TMEM139: variants seen among roughly 807,000 people sequenced by gnomAD.
TMEM139 encodes the protein transmembrane protein 139.
Under a neutral mutation model 15.9 loss-of-function variants are expected in TMEM139, and 9 were observed. The observed-to-expected ratio is 0.57, with a 90% CI of 0.34 to 0.99. TMEM139 has a LOEUF of 0.99. TMEM139 is among the 50% of genes least tolerant of loss of function. The pLI is 0.02. For synonymous variants in TMEM139, 95 were observed against 110.5 expected (o/e 0.86, Z 0.88); for missense variants, 270 against 267.7 (o/e 1.01, Z -0.06).
At position 143,285,461 on chromosome 7, in the gene TMEM139, TC is replaced by T; in HGVS notation, c.-18+20del. On this transcript the variant is annotated intron_variant, in intron 1 of 2. Coordinates refer to ENST00000359333, the MANE Select transcript of TMEM139 (RefSeq NM_001282876.2). ...GTCAGACAGGGTAAGTGGGGCTCCC[TC>T]CCCTCTTCTCTCTAACGGGGCTGGA... is the stretch of plus-strand genomic sequence containing the variant. 1 of 176,014 alleles carries T rather than the reference TC, an allele frequency of 5.7e-6. No homozygotes were observed. The highest frequency in any genetic ancestry group is 1.2e-5 in the Non-Finnish European group (1 of 80,484). 10.9% of individuals were successfully genotyped at this position (176,014 alleles called of 1,614,324 possible).
In TMEM139 at chr7:143,286,000, C is replaced by T. The variant is rs1204666543; in HGVS notation, c.43C>T (p.Leu15Phe). The change falls in exon 2 of 3, where the codon CTC (leucine) becomes TTC (phenylalanine). Residue 15 changes from leucine to phenylalanine, a missense_variant. Leu to Phe is a conservative substitution (Grantham distance 22). Coordinates refer to ENST00000359333, the MANE Select transcript of TMEM139 (RefSeq NM_001282876.2). Reference protein sequence around the residue: ...HLLGRLEKPLLLLCCASFLLG... With the variant: ...HLLGRLEKPLFLLCCASFLLG... ...ACTGGGGAGACTGGAGAAGCCGCTT[C>T]TCCTCCTGTGCTGCGCCTCCTTCCT... The T allele has an allele frequency of 6.2e-7, 1 of 1,614,186 alleles. No homozygotes were observed. Among genetic ancestry groups the T allele is most frequent in the Non-Finnish European group, 8.5e-7 (1 of 1,180,018 alleles).
In TMEM139 at chr7:143,287,115, G is replaced by T. The variant is rs1479523811; in HGVS notation, c.*286G>T. 4 of 319,972 alleles carry T rather than the reference G, an allele frequency of 1.3e-5. No individual in the cohort carries two copies. Among genetic ancestry groups the T allele is most frequent in the Non-Finnish European group, 2.3e-5 (4 of 173,762 alleles). 19.8% of individuals were successfully genotyped at this position (319,972 alleles called of 1,614,324 possible). On this transcript the variant is annotated 3_prime_UTR_variant, in exon 3 of 3. Coordinates refer to ENST00000359333, the MANE Select transcript of TMEM139 (RefSeq NM_001282876.2). ...TGATCCAGAGAAGGCGGAGAAGGAAGAAGTAACCTCTGAGTGGCGGCTATT... is the reference window on the plus strand; with the variant it reads ...TGATCCAGAGAAGGCGGAGAAGGAATAAGTAACCTCTGAGTGGCGGCTATT...
At position 143,286,512 on chromosome 7, in the gene TMEM139, C is replaced by A. The variant is rs200902226; in HGVS notation, c.334C>A (p.Pro112Thr). ...CCGCCCCCAAGAGTTGGACCAACCACCCCCCTACAGCACTGTTGTGATACC... is the reference window on the plus strand; with the variant it reads ...CCGCCCCCAAGAGTTGGACCAACCAACCCCCTACAGCACTGTTGTGATACC... ...QCRPQELDQP[P>T]PYSTVVIPPA... The change falls in exon 3 of 3, where the codon CCC becomes ACC. Residue 112 changes from proline (P) to threonine (T), a missense_variant. Transcript: ENST00000359333. 8.0e-5 allele frequency: 128 copies of A among 1,609,428 alleles called. No homozygotes were observed. Among genetic ancestry groups the A allele is most frequent in the Non-Finnish European group, 1.0e-4 (122 of 1,178,080 alleles).
rs1801267968 is a variant in TMEM139, at chr7:143,285,938, C to A, written c.-17-3C>A. 6.2e-7 allele frequency: 1 copy of A among 1,613,414 alleles called. No individual in the cohort carries two copies. The highest frequency in any genetic ancestry group is 1.3e-5 in the African/African-American group (1 of 74,864). Reference sequence around the variant, plus strand: ...GACACAATAGCTGTGTGTCTTTTTGCAGGAGCCTGGGGAGGGGCCATGGTG... The same window carrying A: ...GACACAATAGCTGTGTGTCTTTTTGAAGGAGCCTGGGGAGGGGCCATGGTG... On this transcript the variant is annotated splice_polypyrimidine_tract_variant and splice_region_variant and intron_variant, in intron 1 of 2. Coordinates refer to ENST00000359333, the MANE Select transcript of TMEM139 (RefSeq NM_001282876.2).
In TMEM139 at chr7:143,286,057, G is replaced by T. The variant is rs144836832; in HGVS notation, c.100G>T (p.Asp34Tyr). The T allele has an allele frequency of 3.8e-4, 619 of 1,614,142 alleles. 4 individuals are homozygous for T. In the African/African-American group the frequency reaches 7.5e-3, roughly 20 times the overall value. The change falls in exon 2 of 3, where the codon GAC becomes TAC. Residue 34 changes from aspartate to tyrosine, a missense_variant. By Grantham distance (160) the Asp-to-Tyr change is radical. Coordinates refer to ENST00000359333, the MANE Select transcript of TMEM139 (RefSeq NM_001282876.2). ...LGLALLGIKT[D>Y]ITPVAYFFLT... ...GCTGGCTTTGCTGGGCATAAAGACG[G>T]ACATCACCCCCGTTGCTTATTTCTT...
In TMEM139 at chr7:143,286,854, T is replaced by C. The variant is rs1051254435; in HGVS notation, c.*25T>C. The C allele has an allele frequency of 6.4e-7, 1 of 1,551,396 alleles. No individual in the cohort carries two copies. On this transcript the variant is annotated 3_prime_UTR_variant, in exon 3 of 3. Transcript: ENST00000359333. ...AATGACTCTCCCAAGATTTCTCTTCTCTCCACACCAGACCTCGTTCATTTG... is the reference window on the plus strand; with the variant it reads ...AATGACTCTCCCAAGATTTCTCTTCCCTCCACACCAGACCTCGTTCATTTG...
At position 143,285,193 on chromosome 7, in the gene TMEM139, C is replaced by T. The variant is rs1329051305; in HGVS notation, c.-270C>T. 6.6e-6 allele frequency: 1 copy of T among 152,526 alleles called. No individual in the cohort carries two copies. Among genetic ancestry groups the T allele is most frequent in the Non-Finnish European group, 1.5e-5 (1 of 68,302 alleles). 9.4% of individuals were successfully genotyped at this position (152,526 alleles called of 1,614,324 possible). Reference sequence around the variant, plus strand: ...CCGCCTCCCAGCCACTGGGCTACCTCCTGGCAGGAAATTTGCAAACTGAGT... The same window carrying T: ...CCGCCTCCCAGCCACTGGGCTACCTTCTGGCAGGAAATTTGCAAACTGAGT... On this transcript the variant is annotated 5_prime_UTR_variant, in exon 1 of 3. Transcript: ENST00000359333.
At position 143,286,499 on chromosome 7, in the gene TMEM139, G is replaced by A. The variant is rs1293825283; in HGVS notation, c.321G>A (p.Glu107=). Residue 107 remains glutamate (E), a synonymous_variant, in exon 3 of 3, where the codon GAG becomes GAA. Coordinates refer to ENST00000359333, the MANE Select transcript of TMEM139 (RefSeq NM_001282876.2). ...VGLESQCRPQ[E]LDQPPPYSTV... is the part of the protein sequence containing the mutation. ...TAGAATCCCAGTGCCGCCCCCAAGA[G>A]TTGGACCAACCACCCCCCTACAGCA... 1.3e-6 allele frequency: 2 copies of A among 1,598,252 alleles called. No homozygotes were observed. Among genetic ancestry groups the A allele is most frequent in the East Asian group, 4.5e-5 (2 of 44,766 alleles).
rs781051552 is a variant in TMEM139, at chr7:143,286,735, T to TA, written c.558dup (p.Glu187ArgfsTer10). 25 of 1,614,022 alleles carry TA rather than the reference T, an allele frequency of 1.5e-5. No homozygotes were observed. Among genetic ancestry groups the TA allele is most frequent in the Non-Finnish European group, 1.7e-5 (20 of 1,180,028 alleles). ...CAGAGCTTGGCGGCAGTCCCCACAT[T>TA]AGAGCCTCTGACTCCACCCCCTGCC... On this transcript the variant is annotated frameshift_variant, in exon 3 of 3. Transcript: ENST00000359333. LOFTEE classifies it high-confidence loss of function.
chr7:143,285,484 T>A, intron 1 of TMEM139, 39 bp downstream of exon 1: 1 of 187,964 alleles, frequency 5.3e-6, no homozygotes, highest in Non-Finnish European at 1.1e-5. Flanking sequence ...CTAACGGGGC[T>A]GGATTGAGGG....
chr7:143,286,218 G>A lies in TMEM139; in HGVS notation c.245+16G>A, dbSNP rs1801295083. 1.2e-6 allele frequency: 2 copies of A among 1,612,914 alleles called. No individual in the cohort carries two copies. Among genetic ancestry groups the A allele is most frequent in the East Asian group, 2.2e-5 (1 of 44,868 alleles). On this transcript the variant is annotated intron_variant, in intron 2 of 2. Coordinates refer to ENST00000359333, the MANE Select transcript of TMEM139 (RefSeq NM_001282876.2). The stretch of plus-strand genomic sequence containing the variant: ...GCAATGCACGGTGAGTTAAGGGTGG[G>A]CATCGTAAGAGGAATACACCTTGGG...
chr7:143,285,691 G>C, intron 1 of TMEM139: 1 of 505,896 alleles, frequency 2.0e-6, no homozygotes, highest in South Asian at 2.2e-5. Context: ...AAGGAAAGAA[G>C]GCAGAGCCAT....
In TMEM139 at chr7:143,287,051, C is replaced by A; in HGVS notation, c.*222C>A. 1 of 498,852 alleles carries A rather than the reference C, an allele frequency of 2.0e-6. No individual in the cohort carries two copies. Among genetic ancestry groups the A allele is most frequent in the Non-Finnish European group, 3.5e-6 (1 of 282,196 alleles). The allele number at this position is 498,852 out of a possible 1,614,324, so 30.9% of individuals were successfully genotyped here. A position where few individuals can be genotyped will look rare whatever the true frequency, so the allele number is the denominator to read the frequency against. ...AACATTTGGTGACCTACCCCATATC[C>A]AATATTTCCAGCGTTAGATTGAGGA... is the stretch of plus-strand genomic sequence containing the variant. On this transcript the variant is annotated 3_prime_UTR_variant, in exon 3 of 3. Coordinates refer to ENST00000359333, the MANE Select transcript of TMEM139 (RefSeq NM_001282876.2).
chr7:143,286,301 T>C (rs1030296076), intron 2 of TMEM139, 99 bp downstream of exon 2: 23 of 1,568,440 alleles, frequency 1.5e-5, no homozygotes, highest in South Asian at 4.7e-5. Context: ...TTTCCTGTCA[T>C]TGGCATCAGC....
At position 143,285,968 on chromosome 7, in the gene TMEM139, T is replaced by C; in HGVS notation, c.11T>C (p.Met4Thr). Residue 4 changes from methionine (M) to threonine (T), a missense_variant, in exon 2 of 3, where the codon ATG becomes ACG. Physicochemically the swap from Met to Thr is moderately conservative, Grantham distance 81. Coordinates refer to ENST00000359333, the MANE Select transcript of TMEM139 (RefSeq NM_001282876.2). ...GCCTGGGGAGGGGCCATGGTGCCAA[T>C]GCACTTACTGGGGAGACTGGAGAAG... MVP[M>T]HLLGRLEKPL... The C allele has an allele frequency of 1.2e-6, 2 of 1,614,178 alleles. No individual in the cohort carries two copies. Among genetic ancestry groups the C allele is most frequent in the Non-Finnish European group, 1.7e-6 (2 of 1,180,018 alleles).
Position 143,285,289 on chromosome 7 carries a change from T to G in TMEM139, c.-174T>G. 6.5e-6 allele frequency: 1 copy of G among 154,612 alleles called. No homozygotes were observed. Among genetic ancestry groups the G allele is most frequent in the Non-Finnish European group, 1.4e-5 (1 of 69,654 alleles). The allele number at this position is 154,612 out of a possible 1,614,324, so 9.6% of individuals were successfully genotyped here. ...TGTGGGGTCTAGAAGAGGACAGGAG[T>G]TATCAGGGCCTCCGGCCATTGTGCT... On this transcript the variant is annotated 5_prime_UTR_variant, in exon 1 of 3. Transcript: ENST00000359333.
Position 143,285,707 on chromosome 7 carries a change from A to C in TMEM139, c.-17-234A>C, listed in dbSNP as rs62621201. ...AGGAAAGAAGGCAGAGCCATGACAC[A>C]GTCAACTTACAGAATGGCTGGGAGT... On this transcript the variant is annotated intron_variant, in intron 1 of 2. Coordinates refer to ENST00000359333, the MANE Select transcript of TMEM139 (RefSeq NM_001282876.2). 5.1e-3 allele frequency: 2,796 copies of C among 543,528 alleles called. 72 individuals are homozygous for C. Among genetic ancestry groups the C allele is most frequent in the African/African-American group, 0.047 (2,493 of 52,794 alleles). 33.7% of individuals were successfully genotyped at this position (543,528 alleles called of 1,614,324 possible).
chr7:143,285,769 A>T, intron 1 of TMEM139, 172 bp from the exon 2 acceptor site: 1 of 823,420 alleles, frequency 1.2e-6, no homozygotes, highest in Non-Finnish European at 1.8e-6. Flanking sequence ...TATTCCACAC[A>T]CTCCAAGACA....
In TMEM139 at chr7:143,287,448, G is replaced by T. The variant is rs1013980445; in HGVS notation, c.*619G>T. ...TGGGCGACCAATTGTGTCTACAGAG[G>T]GGGTGGGCTGAGCATGGGCACGCAT... On this transcript the variant is annotated 3_prime_UTR_variant, in exon 3 of 3. Coordinates refer to ENST00000359333, the MANE Select transcript of TMEM139 (RefSeq NM_001282876.2). 6.6e-6 allele frequency: 1 copy of T among 152,362 alleles called. No individual in the cohort carries two copies. The highest frequency in any genetic ancestry group is 2.4e-5 in the African/African-American group (1 of 41,410). The allele number at this position is 152,362 out of a possible 1,614,324, so 9.4% of individuals were successfully genotyped here. A position where few individuals can be genotyped will look rare whatever the true frequency, so the allele number is the denominator to read the frequency against.
Sources: gnomAD v4.1 joint callset for allele counts on GRCh38, gnomAD v4.1.1 for gene constraint, MANE v1.5 for transcripts, NCBI Gene and HGNC (gene_info 2026-07-23, HGNC 2026-07-21) for gene names.